Variants in RLIG1 observed in about 807,000 individuals in gnomAD.
RLIG1 encodes the protein RNA 5'-phosphate and 3'-OH ligase 1.
chr12:88,043,936 A>AT, the RLIG1 span: 11 of 529,892 alleles, frequency 2.1e-5, no homozygotes, highest in Non-Finnish European at 3.3e-5. Context: ...TAAGATGGGC[A>AT]TTTTTTACTA....
chr12:88,038,847 G>C, the RLIG1 span, among the ~76,000 whole-genome samples: 1 of 152,296 alleles, frequency 6.6e-6, no homozygotes, highest in South Asian at 2.1e-4. Context: ...GTATACTAAT[G>C]ATAATTGCTT....
chr12:88,044,891 G>T, the RLIG1 span: 1 of 152,424 alleles, frequency 6.6e-6, no homozygotes, highest in Non-Finnish European at 1.5e-5. Flanking sequence ...GTTGAGGCTA[G>T]AAGTGTGGTG....
chr12:88,043,187 AC>A, the RLIG1 span, among the ~76,000 whole-genome samples: 2 of 152,114 alleles, frequency 1.3e-5, no homozygotes, highest in Non-Finnish European at 2.9e-5. Context: ...AGAGACAAAT[AC>A]GTAATTTTAT....
chr12:88,046,723 A>G, the RLIG1 span: 4 of 1,300,186 alleles, frequency 3.1e-6, no homozygotes, highest in Non-Finnish European at 4.2e-6. Flanking sequence ...AAGTGTTTCA[A>G]AAGACTTTAT....
At chr12:88,041,648 A>C in the RLIG1 span, 1 of 152,136 alleles carries the variant, frequency 6.6e-6, no homozygotes, top group Non-Finnish European at 1.5e-5. Flanking sequence ...AATGGATGTA[A>C]ATAAATTGCA....
chr12:88,046,788 G>A, the RLIG1 span: 3 of 1,584,394 alleles, frequency 1.9e-6, no homozygotes, highest in Non-Finnish European at 2.6e-6. Flanking sequence ...TATGGCTAAT[G>A]GCAAATTTTC....
At chr12:88,041,888 T>A in the RLIG1 span, 5 of 152,302 alleles carry the variant, frequency 3.3e-5, no homozygotes, top group South Asian at 6.2e-4. Flanking sequence ...GTGTGTATCA[T>A]TATGCGTGAG....
the RLIG1 span, among the ~76,000 whole-genome samples, chr12:88,036,322 C>T: frequency 6.6e-6 from 1 of 152,080 alleles, no homozygotes; most frequent in Non-Finnish European, 1.5e-5. Context: ...TAGTGAGTAA[C>T]CTATATTTGG....
the RLIG1 span, chr12:88,043,810 C>A: frequency 1.2e-6 from 1 of 858,486 alleles, no homozygotes; most frequent in South Asian, 1.5e-5. Flanking sequence ...TAATCTGGGT[C>A]TTCATTAATA....
the RLIG1 span, among the ~76,000 whole-genome samples, chr12:88,036,312 T>C: frequency 6.6e-6 from 1 of 152,224 alleles, no homozygotes; most frequent in Non-Finnish European, 1.5e-5. Context: ...CGGTAAATGC[T>C]AGTGAGTAAC....
chr12:88,043,485 G>A, the RLIG1 span: 3 of 623,004 alleles, frequency 4.8e-6, no homozygotes, highest in South Asian at 6.5e-5. Flanking sequence ...GAGAATAATT[G>A]TATCACACCT....
At chr12:88,046,710 C>G in the RLIG1 span, 7 of 1,135,558 alleles carry the variant, frequency 6.2e-6, no homozygotes, top group Non-Finnish European at 8.8e-6. Flanking sequence ...TACCTTTATT[C>G]CTAAGTGTTT....
the RLIG1 span, chr12:88,047,001 G>C: frequency 6.4e-7 from 1 of 1,567,712 alleles, no homozygotes. Context: ...AGCTCCGGTG[G>C]GGTTATGTCA....
chr12:88,045,914 A>G, the RLIG1 span: 1 of 662,898 alleles, frequency 1.5e-6, no homozygotes, highest in Non-Finnish European at 2.5e-6. Context: ...GATTATATCC[A>G]TTTCTGTTAA....
At chr12:88,048,069 AAAC>A in the RLIG1 span, among the ~76,000 whole-genome samples, 6 of 152,114 alleles carry the variant, frequency 3.9e-5, no homozygotes, top group Non-Finnish European at 8.8e-5. Context: ...GATAGACAAT[AAAC>A]AAATATGTAA....
chr12:88,042,827 C>T, the RLIG1 span: 1 of 1,473,412 alleles, frequency 6.8e-7, no homozygotes, highest in Admixed American at 2.6e-5. Context: ...TTTTTTAGAT[C>T]AGCCATACCT....
the RLIG1 span, among the ~76,000 whole-genome samples, chr12:88,037,558 T>C: frequency 1.3e-5 from 2 of 152,330 alleles, no homozygotes; most frequent in African/African-American, 4.8e-5. Context: ...ACACTGCTAT[T>C]GGACCAGACC....
the RLIG1 span, chr12:88,042,807 T>C: frequency 1.4e-6 from 2 of 1,460,790 alleles, no homozygotes; most frequent in African/African-American, 1.5e-5. Flanking sequence ...ACTTTTCCTT[T>C]TGTTATTACT....
chr12:88,043,971 T>C, the RLIG1 span: 2 of 443,650 alleles, frequency 4.5e-6, no homozygotes, highest in Non-Finnish European at 8.0e-6. Context: ...CAATAAAGCG[T>C]CAAAAGAGAA....
Sources: gnomAD v4.1 joint callset for allele counts (sites outside exome capture counted in the v4.1 genomes callset) on GRCh38, gnomAD v4.1.1 for gene constraint, MANE v1.5 for transcripts, NCBI Gene and HGNC (gene_info 2026-07-23, HGNC 2026-07-21) for gene names.